Variants in SCAF11 observed in about 807,000 individuals in gnomAD.
SCAF11 encodes the protein SR-related CTD associated factor 11, also known as protein SCAF11.
A neutral mutation model predicts 140.5 loss-of-function variants in SCAF11; 47 were observed. That is an observed-to-expected ratio of 0.33 (90% CI 0.26 to 0.43). The LOEUF (loss-of-function observed/expected upper bound fraction) is 0.43. SCAF11 is among the 20% of genes least tolerant of loss of function. The pLI is 1.00. For missense variants in SCAF11, 1,645 were observed against 1,705.1 expected (o/e 0.96, Z 0.62); for synonymous variants, 557 against 579.4 (o/e 0.96, Z 0.55).
Position 45,964,258 on chromosome 12 carries a change from C to T in SCAF11, c.-21-70G>A. 4 of 749,146 alleles carry T rather than the reference C, an allele frequency of 5.3e-6. No homozygotes were observed. The South Asian group carries it at 6.7e-5, about 13-fold the overall frequency. The allele number at this position is 749,146 out of a possible 1,614,324, so 46.4% of individuals were successfully genotyped here. Reference sequence around the variant, plus strand: ...CAATAATATCAATTAAAAAAAAATCCTAAACTGTAAGAAATTATTTTACAC... The same window carrying T: ...CAATAATATCAATTAAAAAAAAATCTTAAACTGTAAGAAATTATTTTACAC... On this transcript the variant is annotated intron_variant, in intron 1 of 14. Coordinates refer to ENST00000369367, the MANE Select transcript of SCAF11 (RefSeq NM_004719.3).
intron 5 of SCAF11, among the ~76,000 whole-genome samples, chr12:45,947,399 A>G (rs899302737): frequency 5.9e-5 from 9 of 152,230 alleles, no homozygotes; most frequent in Non-Finnish European, 1.2e-4. Flanking sequence ...ACTAAAAAAA[A>G]GAAACCTGTA....
chr12:45,934,047 A>T (rs1415933937), intron 8 of SCAF11, 129 bp downstream of exon 8: 1 of 560,950 alleles, frequency 1.8e-6, no homozygotes, highest in East Asian at 3.1e-5. Context: ...GCCCAAAAAA[A>T]AACTAAAGCA....
chr12:45,955,180 AAC>A (rs1945655847), intron 3 of SCAF11: 2 of 151,824 alleles, frequency 1.3e-5, no homozygotes, highest in Non-Finnish European at 1.5e-5. Flanking sequence ...TTTTTTTTTA[AAC>A]AGGGTCTCAC....
intron 1 of SCAF11, among the ~76,000 whole-genome samples, chr12:45,988,473 C>A (rs11183272): frequency 0.51 from 76,817 of 151,950 alleles, 19,562 homozygotes; most frequent in South Asian, 0.6. Context: ...ACAGGTTTTC[C>A]AGAAAACTGT....
At chr12:45,983,259 G>T (rs550665504) in intron 1 of SCAF11, among the ~76,000 whole-genome samples, 1 of 152,192 alleles carries the variant, frequency 6.6e-6, no homozygotes, top group South Asian at 2.1e-4. Context: ...GAAAGTACGA[G>T]AAACTAGTTA....
At chr12:45,983,742 AACACACACACAC>A (rs55655357) in intron 1 of SCAF11, among the ~76,000 whole-genome samples, 50 of 133,992 alleles carry the variant, frequency 3.7e-4, no homozygotes, top group East Asian at 9.1e-4. Context: ...CTAAACCTAA[AACACACACACAC>A]ACACACACAC....
rs780735397 is a variant in SCAF11, at chr12:45,928,722, T to A, written c.979A>T (p.Thr327Ser). 1 of 1,613,972 alleles carries A rather than the reference T, an allele frequency of 6.2e-7. No individual in the cohort carries two copies. Among genetic ancestry groups the A allele is most frequent in the East Asian group, 2.2e-5 (1 of 44,894 alleles). Residue 327 changes from threonine to serine, a missense_variant, in exon 11 of 15, where the codon ACA becomes TCA. Transcript: ENST00000369367. ...TTPTRRSTRN[T>S]RAETASQSQR... ...GACTGACTGGCTGTTTCAGCTCTTG[T>A]GTTACGTGTAGACCTCCTTGTAGGA...
intron 1 of SCAF11, among the ~76,000 whole-genome samples, chr12:45,986,450 A>G (rs374278299): frequency 1.3e-4 from 20 of 152,112 alleles, no homozygotes; most frequent in Non-Finnish European, 2.1e-4. Context: ...AGCTATCCTC[A>G]TCTCTCCCAG....
At chr12:45,989,378 T>C (rs1165590298) in intron 1 of SCAF11, among the ~76,000 whole-genome samples, 2 of 152,212 alleles carry the variant, frequency 1.3e-5, no homozygotes, top group African/African-American at 4.8e-5. Context: ...TTTGCTTAAG[T>C]ATCTTAGGTC....
intron 6 of SCAF11, among the ~76,000 whole-genome samples, chr12:45,939,091 A>G (rs968341972): frequency 4.0e-5 from 6 of 151,118 alleles, no homozygotes; most frequent in African/African-American, 1.5e-4. Context: ...TGGCAACATC[A>G]TCTTCATTAT....
At chr12:45,957,035 C>T (rs775388334) in intron 3 of SCAF11, among the ~76,000 whole-genome samples, 1 of 152,076 alleles carries the variant, frequency 6.6e-6, no homozygotes. Flanking sequence ...CCAACCCACA[C>T]TAAGGATGAA....
At chr12:45,945,567 T>C (rs1945403629) in intron 5 of SCAF11, among the ~76,000 whole-genome samples, 1 of 151,048 alleles carries the variant, frequency 6.6e-6, no homozygotes, top group Non-Finnish European at 1.5e-5. Flanking sequence ...GAGACAAGAT[T>C]TTGCTGACAC....
chr12:45,990,585 C>A, upstream of SCAF11: 11 of 1,230,306 alleles, frequency 8.9e-6, no homozygotes, highest in African/African-American at 1.6e-5. Flanking sequence ...CCCCTTCCCC[C>A]GCCTTGTCTA....
intron 1 of SCAF11, among the ~76,000 whole-genome samples, chr12:45,989,511 G>A (rs1337076257): frequency 6.6e-6 from 1 of 152,190 alleles, no homozygotes; most frequent in African/African-American, 2.4e-5. Flanking sequence ...ATTTGAATCC[G>A]TGAATGTCTA....
At chr12:45,982,016 A>G (rs1458912839) in intron 1 of SCAF11, among the ~76,000 whole-genome samples, 1 of 152,180 alleles carries the variant, frequency 6.6e-6, no homozygotes, top group Non-Finnish European at 1.5e-5. Flanking sequence ...ATAATAAACG[A>G]TGGTTGGAAT....
At chr12:45,935,606 G>A (rs1218716820) in intron 6 of SCAF11, among the ~76,000 whole-genome samples, 3 of 152,154 alleles carry the variant, frequency 2.0e-5, no homozygotes, top group African/African-American at 7.2e-5. Flanking sequence ...AGGATGCTGA[G>A]TTGTTTTGTT....
intron 1 of SCAF11, among the ~76,000 whole-genome samples, chr12:45,989,954 C>A (rs1946552207): frequency 6.6e-6 from 1 of 151,706 alleles, no homozygotes; most frequent in Non-Finnish European, 1.5e-5. Context: ...GTGTCTGTGG[C>A]GGTTCTGGCG....
At chr12:45,987,641 C>G (rs1005370658) in intron 1 of SCAF11, among the ~76,000 whole-genome samples, 4 of 152,066 alleles carry the variant, frequency 2.6e-5, no homozygotes, top group African/African-American at 9.7e-5. Context: ...AAGACCACAA[C>G]AGCGTAGGGG....
intron 1 of SCAF11, among the ~76,000 whole-genome samples, chr12:45,972,912 ATATATATAGATATATAGAT>A (rs1946124638): frequency 1.2e-5 from 1 of 84,728 alleles, no homozygotes; most frequent in African/African-American, 6.1e-5. Flanking sequence ...ATATATAGAT[ATATATATAGATATATAGAT>A]ATATATAGAT....
Sources: allele counts gnomAD v4.1 joint callset (sites outside exome capture counted in the v4.1 genomes callset), GRCh38; gene constraint gnomAD v4.1.1; transcripts MANE v1.5; gene names NCBI Gene and HGNC (gene_info 2026-07-23, HGNC 2026-07-21).